Variants in SPESP1 observed in about 807,000 individuals in gnomAD.
SPESP1 encodes sperm equatorial segment protein 1.
SPESP1 carries 1 observed loss-of-function variant against 3.1 expected under a neutral mutation model. The ratio of observed to expected loss-of-function variants is 0.33; its 90% CI spans 0.12 to 1.54. The LOEUF (loss-of-function observed/expected upper bound fraction) is 1.54, where lower values mean the gene tolerates loss of function less well. SPESP1 is among the 40% of genes most tolerant of loss of function. The probability of loss-of-function intolerance (pLI) is 0.38; values close to 1 mark genes in which losing one functional copy is unlikely to be tolerated. For synonymous variants in SPESP1, 138 were observed against 150.7 expected, an observed-to-expected ratio of 0.92 and a Z score of 0.62; for missense variants, 398 against 410.1, an observed-to-expected ratio of 0.97 and a Z score of 0.26.
chr15:68,934,589 C>T (rs969020187), intron 1 of SPESP1, among the ~76,000 whole-genome samples: 16 of 152,094 alleles, frequency 1.1e-4, no homozygotes, highest in African/African-American at 3.9e-4. Flanking sequence ...CAGGAAGTTT[C>T]ATTAGCCTGT....
intron 1 of SPESP1, among the ~76,000 whole-genome samples, chr15:68,932,307 G>A (rs1895564402): frequency 6.6e-6 from 1 of 152,032 alleles, no homozygotes; most frequent in African/African-American, 2.4e-5. Context: ...CTGCTAGGTA[G>A]GAGTCCCTGG....
rs145005564 is a variant in SPESP1, at chr15:68,941,082, T to A, written c.65-4517T>A. On this transcript the variant is annotated intron_variant, in intron 1 of 1. Coordinates refer to ENST00000310673, the MANE Select transcript of SPESP1 (RefSeq NM_145658.4). ...TTATAATATATTTAAATATTTGATT[T>A]TAATATCTGATAAGGCTAGGCTTTG... Among the ~76,000 whole-genome samples, 358 of 152,174 alleles carry A rather than the reference T, an allele frequency of 2.4e-3. 1 individual carries two copies. Among genetic ancestry groups the A allele is most frequent in the African/African-American group, 8.4e-3 (350 of 41,552 alleles).
intron 1 of SPESP1, among the ~76,000 whole-genome samples, chr15:68,932,338 A>T (rs150320562): frequency 6.6e-6 from 1 of 152,038 alleles, no homozygotes; most frequent in Non-Finnish European, 1.5e-5. Flanking sequence ...AACTCAGTGC[A>T]GTCTCTTGCC....
chr15:68,944,821 A>G (rs142018220), intron 1 of SPESP1, among the ~76,000 whole-genome samples: 13 of 152,322 alleles, frequency 8.5e-5, no homozygotes, highest in African/African-American at 3.1e-4. Context: ...GTCACAGACT[A>G]TAGTTAGATC....
chr15:68,946,073 C>CT lies in SPESP1; in HGVS notation c.540dup (p.Val181CysfsTer6), dbSNP rs1895954625. ...CCATATGTTACCTCATACAAGTCAC[C>CT]TGTCACCACTTTAGATAAGAGCACT... On this transcript the variant is annotated frameshift_variant, in exon 2 of 2. Coordinates refer to ENST00000310673, the MANE Select transcript of SPESP1 (RefSeq NM_145658.4). LOFTEE classifies it low-confidence loss of function (END_TRUNC). The CT allele has an allele frequency of 6.2e-7, 1 of 1,614,070 alleles. No homozygotes were observed. The highest frequency in any genetic ancestry group is 1.1e-5 in the South Asian group (1 of 91,086).
At chr15:68,931,694 C>G (rs1392591491) in intron 1 of SPESP1, among the ~76,000 whole-genome samples, 3 of 152,112 alleles carry the variant, frequency 2.0e-5, no homozygotes, top group Non-Finnish European at 4.4e-5. Context: ...AAGCTGAAAA[C>G]CAATAAGGTC....
intron 1 of SPESP1, among the ~76,000 whole-genome samples, chr15:68,943,152 T>C (rs1895872253): frequency 6.6e-6 from 1 of 151,974 alleles, no homozygotes; most frequent in South Asian, 2.1e-4. Context: ...AAGTCTCCTC[T>C]ACTGACCAAA....
At chr15:68,941,694 C>G (rs1249880268) in intron 1 of SPESP1, among the ~76,000 whole-genome samples, 1 of 152,056 alleles carries the variant, frequency 6.6e-6, no homozygotes, top group Non-Finnish European at 1.5e-5. Context: ...GAATAATTGC[C>G]CCATGTCAAG....
intron 1 of SPESP1, among the ~76,000 whole-genome samples, chr15:68,933,250 A>T (rs975685502): frequency 6.6e-6 from 1 of 152,186 alleles, no homozygotes; most frequent in Non-Finnish European, 1.5e-5. Context: ...ATACCTTTCT[A>T]ACAGGCCCAA....
In SPESP1 at chr15:68,938,017, G is replaced by A. The variant is rs539864667; in HGVS notation, c.64+7300G>A. ...TTTTTTGAAATGGAGTTTCACTCTT[G>A]TCCCCCAGGCTGGAGTGCAATGGCA... On this transcript the variant is annotated intron_variant, in intron 1 of 1. Transcript: ENST00000310673. Among the ~76,000 whole-genome samples, 73 of 151,810 alleles carry A rather than the reference G, an allele frequency of 4.8e-4. 1 individual carries two copies. The highest frequency in any genetic ancestry group is 1.7e-3 in the African/African-American group (71 of 41,380).
intron 1 of SPESP1, among the ~76,000 whole-genome samples, chr15:68,934,796 A>T (rs911341217): frequency 2.0e-5 from 3 of 152,164 alleles, no homozygotes; most frequent in Admixed American, 2.0e-4. Context: ...ATATATTTGA[A>T]GCATTTTAAA....
chr15:68,935,567 C>T (rs1416981455), intron 1 of SPESP1, among the ~76,000 whole-genome samples: 2 of 152,212 alleles, frequency 1.3e-5, no homozygotes, highest in Admixed American at 1.3e-4. Context: ...TACACTGTAT[C>T]AGACTTGCTA....
Position 68,946,050 on chromosome 15 carries a change from A to G in SPESP1, c.516A>G (p.Pro172=). ...TTGTTACTGAATCATCTACAAGTCCATATGTTACCTCATACAAGTCACCTG... is the reference window on the plus strand; with the variant it reads ...TTGTTACTGAATCATCTACAAGTCCGTATGTTACCTCATACAAGTCACCTG... ...LPVVTESSTS[P]YVTSYKSPVT... is the part of the protein sequence containing the mutation. Residue 172 remains proline, a synonymous_variant, in exon 2 of 2, where the codon CCA becomes CCG. Transcript: ENST00000310673. 1 of 1,614,166 alleles carries G rather than the reference A, an allele frequency of 6.2e-7. No homozygotes were observed. Among genetic ancestry groups the G allele is most frequent in the Non-Finnish European group, 8.5e-7 (1 of 1,180,024 alleles).
intron 1 of SPESP1, among the ~76,000 whole-genome samples, chr15:68,931,936 C>G (rs1300296542): frequency 6.6e-6 from 1 of 152,094 alleles, no homozygotes; most frequent in Non-Finnish European, 1.5e-5. Flanking sequence ...TTCAGAATTG[C>G]TAAACGATCT....
chr15:68,941,025 C>A (rs1294159515), intron 1 of SPESP1, among the ~76,000 whole-genome samples: 1 of 151,734 alleles, frequency 6.6e-6, no homozygotes, highest in Non-Finnish European at 1.5e-5. Context: ...CTGTTCATGG[C>A]CAATGCTATA....
intron 1 of SPESP1, 106 bp from the exon 2 acceptor site, chr15:68,945,493 T>C: frequency 4.3e-6 from 4 of 920,694 alleles, no homozygotes; most frequent in Non-Finnish European, 6.0e-6. Context: ...TTTATTTCAA[T>C]TTTTAAGTGA....
At chr15:68,932,394 C>T (rs1165994370) in intron 1 of SPESP1, among the ~76,000 whole-genome samples, 14 of 147,086 alleles carry the variant, frequency 9.5e-5, no homozygotes, top group African/African-American at 2.5e-4. Context: ...TTTTCCCCCC[C>T]TTTTTTTTTT....
chr15:68,932,490 G>A (rs567566889), intron 1 of SPESP1, among the ~76,000 whole-genome samples: 10 of 151,206 alleles, frequency 6.6e-5, no homozygotes, highest in African/African-American at 1.7e-4. Flanking sequence ...TCCCAGGCTC[G>A]AGGGATTCTC....
Position 68,930,626 on chromosome 15 carries a change from G to C in SPESP1, c.-28G>C. On this transcript the variant is annotated 5_prime_UTR_variant, in exon 1 of 2. Coordinates refer to ENST00000310673, the MANE Select transcript of SPESP1 (RefSeq NM_145658.4). ...CTGGTGGCCCCAGGACGTTCCGGTC[G>C]CATGGCAGAGTGCTACGGACGACGC... The C allele has an allele frequency of 6.2e-7, 1 of 1,613,320 alleles. No homozygotes were observed.
Sources: gnomAD v4.1 joint callset for allele counts (sites outside exome capture counted in the v4.1 genomes callset) on GRCh38, gnomAD v4.1.1 for gene constraint, MANE v1.5 for transcripts, NCBI Gene and HGNC (gene_info 2026-07-23, HGNC 2026-07-21) for gene names.